Variants in GALNT2 observed in about 807,000 individuals in gnomAD.
The protein encoded by GALNT2 is polypeptide N-acetylgalactosaminyltransferase 2.
In GALNT2, 31 loss-of-function variants were observed where a neutral mutation model predicts 81.4. The observed-to-expected ratio is 0.38, with a 90% confidence interval of 0.29 to 0.51. The LOEUF is 0.51. Ranked by LOEUF, GALNT2 falls within the 20% of genes least tolerant of loss-of-function variation. The probability of loss-of-function intolerance (pLI) is 0.87; values close to 1 mark genes in which losing one functional copy is unlikely to be tolerated. For missense variants in GALNT2, 629 were observed against 765.7 expected (o/e 0.82, Z 2.11); for synonymous variants, 303 against 287.4 (o/e 1.05, Z -0.55).
At position 230,119,090 on chromosome 1, in the gene GALNT2, C is replaced by T. The variant is rs535383224; in HGVS notation, c.126+51684C>T. Among the ~76,000 whole-genome samples the T allele has an allele frequency of 2.2e-3, 336 of 152,288 alleles. 3 individuals carry two copies. Among genetic ancestry groups the T allele is most frequent in the Non-Finnish European group, 2.0e-3 (135 of 68,032 alleles). On this transcript the variant is annotated intron_variant, in intron 1 of 15. Transcript: ENST00000366672. ...CTTAAGGGCATCCATATTTAATTAT[C>T]GCTCAAATCTCCATTTGGTTCCTAA... is the stretch of plus-strand genomic sequence containing the variant.
At chr1:230,067,524 GC>G in intron 1 of GALNT2, 118 bp downstream of exon 1, 1 of 326,314 alleles carries the variant, frequency 3.1e-6, no homozygotes, top group Non-Finnish European at 5.1e-6. Flanking sequence ...CGCTCGCGTC[GC>G]CCGCCCTCGT....
At position 230,178,320 on chromosome 1, in the gene GALNT2, A is replaced by G. The variant is rs1663051829; in HGVS notation, c.220+9A>G. 8.1e-6 allele frequency: 13 copies of G among 1,607,842 alleles called. No homozygotes were observed. Among genetic ancestry groups the G allele is most frequent in the Non-Finnish European group, 1.0e-5 (12 of 1,174,836 alleles). On this transcript the variant is annotated intron_variant, in intron 2 of 15. Coordinates refer to ENST00000366672, the MANE Select transcript of GALNT2 (RefSeq NM_004481.5). ...GGAGACCCTCCCTCCAGGTACTGCC[A>G]GGGGCCAGGAAGCCATCTTGCTTTG...
chr1:230,160,579 T>C (rs1214463699), intron 1 of GALNT2, among the ~76,000 whole-genome samples: 1 of 152,038 alleles, frequency 6.6e-6, no homozygotes, highest in African/African-American at 2.4e-5. Flanking sequence ...CCGGTCGTGG[T>C]AGTGGGCGCC....
intron 1 of GALNT2, among the ~76,000 whole-genome samples, chr1:230,156,248 T>G (rs58316291): frequency 7.0e-6 from 1 of 143,656 alleles, no homozygotes; most frequent in African/African-American, 2.6e-5. Flanking sequence ...AGAGAGAGTG[T>G]GTGTGTGTGT....
intron 3 of GALNT2, among the ~76,000 whole-genome samples, chr1:230,235,684 G>A (rs1420074970): frequency 6.6e-6 from 1 of 152,172 alleles, no homozygotes. Flanking sequence ...ATTGTGAAAA[G>A]CGCATCTCTA....
chr1:230,249,272 GTAAGTGCCA>G lies in GALNT2; in HGVS notation c.905+2_905+10del, dbSNP rs750665719. On this transcript the variant is annotated splice_donor_variant and splice_donor_5th_base_variant and intron_variant, in intron 9 of 15. Transcript: ENST00000366672. LOFTEE classifies it high-confidence loss of function. ...AGGGGAACCCAGTCGCCCCTATAAA[GTAAGTGCCA>G]GCATCCTTCAGGGTGCCCCTCCCAG... The G allele has an allele frequency of 6.2e-7, 1 of 1,613,852 alleles. No homozygotes were observed. The highest frequency in any genetic ancestry group is 1.7e-5 in the Admixed American group (1 of 60,014).
chr1:230,205,925 C>T (rs975120797), intron 3 of GALNT2, among the ~76,000 whole-genome samples: 3 of 152,104 alleles, frequency 2.0e-5, no homozygotes, highest in Non-Finnish European at 4.4e-5. Context: ...GATAACTTGC[C>T]CAGTGATTAA....
chr1:230,193,083 A>G lies in GALNT2; in HGVS notation c.221-10054A>G. 6.6e-6 allele frequency among the ~76,000 whole-genome samples: 1 copy of G among 152,158 alleles called. No homozygotes were observed. The highest frequency in any genetic ancestry group is 1.9e-4 in the East Asian group (1 of 5,198). On this transcript the variant is annotated intron_variant, in intron 2 of 15. Coordinates refer to ENST00000366672, the MANE Select transcript of GALNT2 (RefSeq NM_004481.5). This position sits in a 1 kb window ranked among gnomAD's most constrained non-coding sequence, Gnocchi z 4.3. ...TTGAGATCAACCAAATAAATCTGAGAGCCTTGTCCTTTGATATTAAATACA... is the reference window on the plus strand; with the variant it reads ...TTGAGATCAACCAAATAAATCTGAGGGCCTTGTCCTTTGATATTAAATACA...
chr1:230,162,313 A>G (rs374286098), intron 1 of GALNT2, among the ~76,000 whole-genome samples: 19 of 152,232 alleles, frequency 1.2e-4, no homozygotes, highest in African/African-American at 4.6e-4. Context: ...CACATTTTCC[A>G]TACACTCTTT....
chr1:230,253,281 C>T (rs1029999522), intron 10 of GALNT2, among the ~76,000 whole-genome samples: 1 of 152,198 alleles, frequency 6.6e-6, no homozygotes, highest in Non-Finnish European at 1.5e-5. Flanking sequence ...GTAACAGCTG[C>T]ATGGATCACC....
intron 1 of GALNT2, among the ~76,000 whole-genome samples, chr1:230,166,327 C>T (rs190637021): frequency 2.0e-5 from 3 of 152,330 alleles, no homozygotes; most frequent in Non-Finnish European, 2.9e-5. Context: ...CACTCCTCCC[C>T]GCAGCGTCAC....
intron 2 of GALNT2, among the ~76,000 whole-genome samples, chr1:230,192,217 T>G (rs1017659240): frequency 6.6e-6 from 1 of 152,234 alleles, no homozygotes; most frequent in Admixed American, 6.5e-5. Flanking sequence ...GAACACAGAC[T>G]GGGCATAATT....
chr1:230,136,460 C>T (rs763522942), intron 1 of GALNT2, among the ~76,000 whole-genome samples: 7 of 152,176 alleles, frequency 4.6e-5, no homozygotes, highest in African/African-American at 9.7e-5. Flanking sequence ...CACATTCATT[C>T]GTGAGGCCTG....
intron 1 of GALNT2, among the ~76,000 whole-genome samples, chr1:230,127,108 CT>C (rs952677458): frequency 2.6e-5 from 4 of 152,178 alleles, no homozygotes; most frequent in African/African-American, 9.7e-5. Flanking sequence ...ACGTCCCCCC[CT>C]CCCATTGCTG....
At position 230,263,401 on chromosome 1, in the gene GALNT2, G is replaced by A. The variant is rs905471844; in HGVS notation, c.1313+396G>A. The A allele has an allele frequency of 3.6e-5, 7 of 196,162 alleles. No individual in the cohort carries two copies. The East Asian group carries it at 5.4e-4, about 15-fold the overall frequency. The allele number at this position is 196,162 out of a possible 1,614,324, so 12.2% of individuals were successfully genotyped here. ...TCTGCAGCCAGCCCTCGATCCCCCCGCCAGGCGCCTTTGCATGCCTCCGAT... is the reference window on the plus strand; with the variant it reads ...TCTGCAGCCAGCCCTCGATCCCCCCACCAGGCGCCTTTGCATGCCTCCGAT... On this transcript the variant is annotated intron_variant, in intron 13 of 15. Transcript: ENST00000366672.
chr1:230,148,870 A>G (rs1662006246), intron 1 of GALNT2, among the ~76,000 whole-genome samples: 1 of 150,756 alleles, frequency 6.6e-6, no homozygotes, highest in South Asian at 2.1e-4. Flanking sequence ...TACAGGCATA[A>G]GCCACCATAC....
intron 5 of GALNT2, 39 bp downstream of exon 5, chr1:230,236,459 T>C (rs375226902): frequency 6.3e-7 from 1 of 1,594,678 alleles, no homozygotes; most frequent in African/African-American, 1.3e-5. Context: ...TGTCTGGCTC[T>C]TCTCTGGGCA....
At chr1:230,065,543 G>A (rs1327434259), upstream of GALNT2, among the ~76,000 whole-genome samples, 1 of 152,138 alleles carries the variant, frequency 6.6e-6, no homozygotes, top group Non-Finnish European at 1.5e-5. Context: ...CAGCGAAAAT[G>A]TTATGATTTA....
intron 1 of GALNT2, among the ~76,000 whole-genome samples, chr1:230,059,034 G>C: frequency 6.6e-6 from 1 of 152,156 alleles, no homozygotes; most frequent in East Asian, 1.9e-4. Flanking sequence ...TTAATATTTT[G>C]TTCCTTTTAA....
Sources: allele counts gnomAD v4.1 joint callset (sites outside exome capture counted in the v4.1 genomes callset), GRCh38; gene constraint gnomAD v4.1.1; non-coding constraint Gnocchi (gnomAD v3.1); transcripts MANE v1.5; gene names NCBI Gene and HGNC (gene_info 2026-07-23, HGNC 2026-07-21).